Variants in GRID1 observed in about 807,000 individuals in gnomAD.
The protein encoded by GRID1 is glutamate receptor ionotropic, delta-1.
A neutral mutation model predicts 98.0 loss-of-function variants in GRID1; 28 were observed. That is an observed-to-expected ratio of 0.29 (90% CI 0.21 to 0.39). The LOEUF (loss-of-function observed/expected upper bound fraction) is 0.39, where lower values mean the gene tolerates loss of function less well. GRID1 is among the 10% of genes least tolerant of loss of function. The pLI is 1.00. For synonymous variants in GRID1, 553 were observed against 538.5 expected (o/e 1.03, Z -0.37); for missense variants, 1,111 against 1,340.5 (o/e 0.83, Z 2.67).
chr10:85,982,919 T>A (rs1421083924), intron 4 of GRID1, among the ~76,000 whole-genome samples: 1 of 152,196 alleles, frequency 6.6e-6, no homozygotes, highest in Admixed American at 6.5e-5. Flanking sequence ...AAATCAAGAC[T>A]GTAAAAACCT....
intron 5 of GRID1, among the ~76,000 whole-genome samples, chr10:85,873,773 G>A (rs766188523): frequency 6.6e-6 from 1 of 152,196 alleles, no homozygotes; most frequent in African/African-American, 2.4e-5. Context: ...AAACTTCGTT[G>A]TGTATCAGTA....
chr10:86,068,158 G>A (rs533164376), intron 4 of GRID1, among the ~76,000 whole-genome samples: 2 of 152,260 alleles, frequency 1.3e-5, no homozygotes, highest in Admixed American at 6.5e-5. Flanking sequence ...ACTGAGGCTC[G>A]GAATGGGACA....
intron 5 of GRID1, among the ~76,000 whole-genome samples, chr10:85,891,708 T>C (rs1208416171): frequency 6.6e-6 from 1 of 152,150 alleles, no homozygotes; most frequent in Non-Finnish European, 1.5e-5. Flanking sequence ...AAGCAAGTCT[T>C]GAAACATCAA....
chr10:85,974,178 T>C (rs1842442502), intron 4 of GRID1, among the ~76,000 whole-genome samples: 1 of 152,224 alleles, frequency 6.6e-6, no homozygotes, highest in Admixed American at 6.5e-5. Flanking sequence ...AGCAAGCTCA[T>C]GACCAGATCC....
At chr10:86,305,978 G>A (rs58279106) in intron 2 of GRID1, among the ~76,000 whole-genome samples, 11,279 of 152,076 alleles carry the variant, frequency 0.074, 927 homozygotes, top group East Asian at 0.48. Flanking sequence ...GCCCAATTCC[G>A]CCCACCATAA....
At chr10:86,358,117 C>G (rs957447271) in intron 2 of GRID1, among the ~76,000 whole-genome samples, 3 of 152,160 alleles carry the variant, frequency 2.0e-5, no homozygotes, top group African/African-American at 7.2e-5. Context: ...TTGGAGAACA[C>G]AGGCAAGTCT....
intron 4 of GRID1, among the ~76,000 whole-genome samples, chr10:86,104,615 A>G (rs1277808488): frequency 3.9e-5 from 6 of 152,198 alleles, no homozygotes; most frequent in Non-Finnish European, 7.3e-5. Context: ...GCCATACATC[A>G]GGGGCAATCC....
chr10:85,640,357 A>G (rs1843100639), intron 13 of GRID1, among the ~76,000 whole-genome samples: 1 of 152,246 alleles, frequency 6.6e-6, no homozygotes, highest in Non-Finnish European at 1.5e-5. Flanking sequence ...TTCTTGGATC[A>G]TGGCTACAAG....
intron 4 of GRID1, among the ~76,000 whole-genome samples, chr10:86,032,290 GC>G (rs1474212705): frequency 6.6e-6 from 1 of 152,138 alleles, no homozygotes; most frequent in Non-Finnish European, 1.5e-5. Flanking sequence ...GAGGTGGGGG[GC>G]CCCTCTGCCC....
At chr10:86,139,572 C>T (rs1475053645) in intron 3 of GRID1, among the ~76,000 whole-genome samples, 3 of 152,340 alleles carry the variant, frequency 2.0e-5, no homozygotes, top group Middle Eastern at 6.8e-3. Flanking sequence ...GGCACCCCAG[C>T]CCTGAGGCAT....
chr10:85,864,380 C>T (rs1002779730), intron 6 of GRID1, among the ~76,000 whole-genome samples: 8 of 152,210 alleles, frequency 5.3e-5, no homozygotes, highest in East Asian at 1.9e-4. Flanking sequence ...TCTGAGGCGA[C>T]GGTGTGAAAG....
At chr10:86,003,796 G>T (rs1268596263) in intron 4 of GRID1, among the ~76,000 whole-genome samples, 1 of 152,170 alleles carries the variant, frequency 6.6e-6, no homozygotes, top group African/African-American at 2.4e-5. Context: ...ATTTTAAAGT[G>T]TAACAGTGTC....
intron 2 of GRID1, among the ~76,000 whole-genome samples, chr10:86,270,016 C>T: frequency 6.6e-6 from 1 of 152,202 alleles, no homozygotes; most frequent in Non-Finnish European, 1.5e-5. Flanking sequence ...TAATACTAAA[C>T]AAATCTATCC....
At position 85,960,711 on chromosome 10, in the gene GRID1, C is replaced by T. The variant is rs145071713; in HGVS notation, c.727-44472G>A. Among the ~76,000 whole-genome samples, 192 of 152,298 alleles carry T rather than the reference C, an allele frequency of 1.3e-3. 2 individuals carry two copies. In the East Asian group the frequency reaches 0.016, roughly 13 times the overall value. On this transcript the variant is annotated intron_variant, in intron 4 of 15. Transcript: ENST00000327946. ...ATTAACAATTGCCGCTACATGTTGGCGAACAACCAAATGAATGAATCAATG... is the reference window on the plus strand; with the variant it reads ...ATTAACAATTGCCGCTACATGTTGGTGAACAACCAAATGAATGAATCAATG...
At chr10:85,679,575 C>T (rs2132594598) in intron 12 of GRID1, among the ~76,000 whole-genome samples, 1 of 152,228 alleles carries the variant, frequency 6.6e-6, no homozygotes, top group African/African-American at 2.4e-5. Flanking sequence ...CCTGGAGAAG[C>T]AGAGGACTAG....
intron 6 of GRID1, among the ~76,000 whole-genome samples, chr10:85,864,543 C>T (rs1036214221): frequency 8.5e-5 from 13 of 152,166 alleles, no homozygotes; most frequent in Non-Finnish European, 1.5e-5. Context: ...TTAAATGCTC[C>T]CATATGGGTT....
In GRID1 at chr10:85,829,804, CACAA is replaced by C. The variant is rs149613576; in HGVS notation, c.1233+24688_1233+24691del. On this transcript the variant is annotated intron_variant, in intron 8 of 15. Transcript: ENST00000327946. ...CACAACCCAAAGAAATCCAAGATGACACAAACAAACAGAAAAATATCCTATGCTC... is the reference window on the plus strand; with the variant it reads ...CACAACCCAAAGAAATCCAAGATGACACAAACAGAAAAATATCCTATGCTC... Among the ~76,000 whole-genome samples the C allele has an allele frequency of 5.7e-3, 867 of 152,124 alleles. 8 individuals carry two copies. Among genetic ancestry groups the C allele is most frequent in the African/African-American group, 0.02 (815 of 41,524 alleles).
intron 8 of GRID1, among the ~76,000 whole-genome samples, chr10:85,763,412 C>T (rs1842167995): frequency 6.6e-6 from 1 of 152,208 alleles, no homozygotes; most frequent in South Asian, 2.1e-4. Flanking sequence ...CCCTGGCACA[C>T]TGATGTCTGA....
At chr10:85,791,976 T>C (rs919400306) in intron 8 of GRID1, among the ~76,000 whole-genome samples, 1 of 152,048 alleles carries the variant, frequency 6.6e-6, no homozygotes, top group Non-Finnish European at 1.5e-5. Context: ...GCTGAGTCCC[T>C]GGGGCCCCCA....
Sources: allele counts gnomAD v4.1 joint callset (sites outside exome capture counted in the v4.1 genomes callset), GRCh38; gene constraint gnomAD v4.1.1; transcripts MANE v1.5; gene names NCBI Gene and HGNC (gene_info 2026-07-23, HGNC 2026-07-21).